Variants in TRPM7 observed in about 807,000 individuals in gnomAD.
The protein encoded by TRPM7 is LTRPC ion channel family member 7.
TRPM7 carries 134 observed loss-of-function variants against 229.7 expected under a neutral mutation model. The observed-to-expected ratio is 0.58, with a 90% CI of 0.51 to 0.67. TRPM7 has a LOEUF of 0.67. Among genes scored for constraint, TRPM7 ranks in the 30% least tolerant of loss-of-function variants. TRPM7 has a pLI of 0.00. For synonymous variants in TRPM7, 699 were observed against 715.2 expected, an observed-to-expected ratio of 0.98 and a Z score of 0.36; for missense variants, 1,901 against 2,210.0, an observed-to-expected ratio of 0.86 and a Z score of 2.80.
At chr15:50,598,304 CACTG>C (rs2059685530) in intron 22 of TRPM7, among the ~76,000 whole-genome samples, 2 of 152,302 alleles carry the variant, frequency 1.3e-5, no homozygotes, top group East Asian at 1.9e-4. Context: ...TATCTAGTCT[CACTG>C]ACTAAGACAA....
intron 29 of TRPM7, 133 bp downstream of exon 29, chr15:50,582,956 C>A: frequency 5.7e-6 from 3 of 524,460 alleles, no homozygotes; most frequent in Non-Finnish European, 9.4e-6. Context: ...TGCTACTATG[C>A]TAAAGTCAGT....
chr15:50,581,014 C>CA, intron 29 of TRPM7, 106 bp from the exon 30 acceptor site: 1 of 1,014,464 alleles, frequency 9.9e-7, no homozygotes, highest in South Asian at 1.7e-5. Context: ...AATGAAAGGC[C>CA]AAAAAACTAA....
intron 8 of TRPM7, among the ~76,000 whole-genome samples, 195 bp from the exon 9 acceptor site, chr15:50,633,187 G>T (rs1296232584): frequency 6.6e-6 from 1 of 152,102 alleles, no homozygotes; most frequent in Non-Finnish European, 1.5e-5. Flanking sequence ...GAAACGGAGT[G>T]ATTTTTCTCT....
At chr15:50,597,797 T>G (rs1274376996) in intron 22 of TRPM7, among the ~76,000 whole-genome samples, 3 of 151,956 alleles carry the variant, frequency 2.0e-5, no homozygotes, top group Non-Finnish European at 2.9e-5. Flanking sequence ...TATGCAGCTG[T>G]AATCCCAGCT....
At position 50,592,428 on chromosome 15, in the gene TRPM7, G is replaced by A; in HGVS notation, c.3807C>T (p.Ser1269=). Reference sequence around the variant, plus strand: ...GGTTTTGAGCCAAGTGTTTGGAAATGCTCAGTTCTCGTGTGATTTCATTAT... The same window carrying A: ...GGTTTTGAGCCAAGTGTTTGGAAATACTCAGTTCTCGTGTGATTTCATTAT... The part of the protein sequence containing the change: ...KVHNEITREL[S]ISKHLAQNLI... Residue 1269 remains serine (S), a synonymous_variant, in exon 26 of 39, where the codon AGC becomes AGT. Coordinates refer to ENST00000646667, the MANE Select transcript of TRPM7 (RefSeq NM_017672.6). 1 of 1,614,178 alleles carries A rather than the reference G, an allele frequency of 6.2e-7. No homozygotes were observed. The highest frequency in any genetic ancestry group is 8.5e-7 in the Non-Finnish European group (1 of 1,180,038).
chr15:50,642,056 T>C (rs945918192), intron 5 of TRPM7, among the ~76,000 whole-genome samples: 1 of 151,958 alleles, frequency 6.6e-6, no homozygotes. Context: ...CTGACTTAAA[T>C]GTTTTATTTT....
At chr15:50,647,692 G>C (rs1400473591) in intron 4 of TRPM7, among the ~76,000 whole-genome samples, 1 of 152,030 alleles carries the variant, frequency 6.6e-6, no homozygotes, top group Non-Finnish European at 1.5e-5. Flanking sequence ...GTTGCAGTGA[G>C]CCGAGATTGC....
At chr15:50,608,058 A>AG (rs2059967318) in intron 19 of TRPM7, among the ~76,000 whole-genome samples, 2 of 150,454 alleles carry the variant, frequency 1.3e-5, no homozygotes, top group South Asian at 4.2e-4. Context: ...CTGTCAAAAA[A>AG]AAAAAAAAAA....
intron 38 of TRPM7, among the ~76,000 whole-genome samples, chr15:50,565,239 C>T (rs890008084): frequency 6.6e-6 from 1 of 152,010 alleles, no homozygotes; most frequent in African/African-American, 2.4e-5. Context: ...TCCTTAGCCT[C>T]CCAAAGTGCT....
intron 19 of TRPM7, 132 bp downstream of exon 19, chr15:50,609,449 G>GT: frequency 1.1e-6 from 1 of 891,830 alleles, no homozygotes; most frequent in Non-Finnish European, 1.6e-6. Flanking sequence ...TAAGGCAAAT[G>GT]TATCACTCTT....
intron 7 of TRPM7, among the ~76,000 whole-genome samples, chr15:50,634,996 T>C (rs894344710): frequency 4.6e-5 from 7 of 152,112 alleles, no homozygotes; most frequent in African/African-American, 1.4e-4. Context: ...ATATTTCTGA[T>C]TCCAAATGAG....
chr15:50,592,694 C>A, intron 25 of TRPM7, 68 bp from the exon 26 acceptor site: 1 of 1,115,376 alleles, frequency 9.0e-7, no homozygotes, highest in Non-Finnish European at 1.3e-6. Flanking sequence ...TTTGTAGCCT[C>A]AAATAATAAT....
chr15:50,591,207 T>C lies in TRPM7; in HGVS notation c.4324+704A>G, dbSNP rs946990529. 2.6e-5 allele frequency among the ~76,000 whole-genome samples: 4 copies of C among 152,230 alleles called. 1 individual carries two copies. The highest frequency in any genetic ancestry group is 4.4e-5 in the Non-Finnish European group (3 of 68,044). Reference sequence around the variant, plus strand: ...CTAGATTTCCATTGTTGTTCTGATATAATTATTAATAGTGCACCCTTTCAC... The same window carrying C: ...CTAGATTTCCATTGTTGTTCTGATACAATTATTAATAGTGCACCCTTTCAC... On this transcript the variant is annotated intron_variant, in intron 26 of 38. Coordinates refer to ENST00000646667, the MANE Select transcript of TRPM7 (RefSeq NM_017672.6).
intron 5 of TRPM7, among the ~76,000 whole-genome samples, chr15:50,640,830 A>C (rs1352265006): frequency 6.6e-6 from 1 of 152,206 alleles, no homozygotes; most frequent in African/African-American, 2.4e-5. Context: ...ACCTATACAC[A>C]GGAGGCCATG....
chr15:50,678,057 G>A (rs1165627968), intron 1 of TRPM7, among the ~76,000 whole-genome samples: 3 of 150,936 alleles, frequency 2.0e-5, no homozygotes, highest in African/African-American at 7.3e-5. Context: ...GACCGATATG[G>A]TGAAACCACG....
At chr15:50,675,723 T>C (rs1348987864) in intron 1 of TRPM7, among the ~76,000 whole-genome samples, 1 of 152,246 alleles carries the variant, frequency 6.6e-6, no homozygotes, top group Non-Finnish European at 1.5e-5. Flanking sequence ...TACCAGATTT[T>C]ACCAAGAGGT....
In TRPM7 at chr15:50,631,454, T is replaced by C. The variant is rs765380175; in HGVS notation, c.1167A>G (p.Gln389=). ...TVFHIGSDEH[Q]DIDVAILTAL... ...CAGTAAGTATTGCTACATCTATATC[T>C]TGATGTTCATCTGACCCAATATGGA... Residue 389 remains glutamine, a synonymous_variant, in exon 10 of 39, where the codon CAA becomes CAG. Transcript: ENST00000646667. The C allele has an allele frequency of 2.5e-6, 4 of 1,610,536 alleles. No individual in the cohort carries two copies. Among genetic ancestry groups the C allele is most frequent in the African/African-American group, 1.3e-5 (1 of 74,964 alleles).
chr15:50,619,734 T>C lies in TRPM7; in HGVS notation c.1494+11A>G, dbSNP rs777578285. ...AATAACATTTTTCAAAAGCAAAAAA[T>C]AATCTCTTACCTGTTTGACGTCTCG... On this transcript the variant is annotated intron_variant, in intron 13 of 38. Coordinates refer to ENST00000646667, the MANE Select transcript of TRPM7 (RefSeq NM_017672.6). 7 of 1,562,344 alleles carry C rather than the reference T, an allele frequency of 4.5e-6. No homozygotes were observed. Among genetic ancestry groups the C allele is most frequent in the Non-Finnish European group, 6.0e-6 (7 of 1,161,482 alleles).
At chr15:50,685,715 A>G (rs2062343141) in intron 1 of TRPM7, among the ~76,000 whole-genome samples, 1 of 152,134 alleles carries the variant, frequency 6.6e-6, no homozygotes, top group East Asian at 1.9e-4. Context: ...TTCTTAAGAA[A>G]TCTTCAAAAT....
Sources: gnomAD v4.1 joint callset for allele counts (sites outside exome capture counted in the v4.1 genomes callset) on GRCh38, gnomAD v4.1.1 for gene constraint, MANE v1.5 for transcripts, NCBI Gene and HGNC (gene_info 2026-07-23, HGNC 2026-07-21) for gene names.